GPC5: variants seen among roughly 807,000 people sequenced by gnomAD.
GPC5 encodes glypican-5.
GPC5 carries 47 observed loss-of-function variants against 53.9 expected under a neutral mutation model. That is an observed-to-expected ratio of 0.87 (90% confidence interval 0.69 to 1.11). The LOEUF (loss-of-function observed/expected upper bound fraction) is 1.11, where lower values mean the gene tolerates loss of function less well. GPC5 is among the 50% of genes most tolerant of loss of function. The pLI is 0.00. For synonymous variants in GPC5, 286 were observed against 263.3 expected (o/e 1.09, Z -0.84); for missense variants, 748 against 713.1 (o/e 1.05, Z -0.56).
chr13:91,655,407 A>G (rs894993220), intron 2 of GPC5, among the ~76,000 whole-genome samples: 2 of 152,108 alleles, frequency 1.3e-5, no homozygotes, highest in Non-Finnish European at 2.9e-5. Flanking sequence ...TAATTAGTTA[A>G]GTTGTATGTG....
chr13:91,714,546 G>A (rs2036294105), intron 3 of GPC5, among the ~76,000 whole-genome samples: 1 of 152,112 alleles, frequency 6.6e-6, no homozygotes, highest in Non-Finnish European at 1.5e-5. Context: ...CTATCTTTAT[G>A]TTTAGAAATA....
At chr13:92,532,127 A>T (rs1881585549) in intron 7 of GPC5, among the ~76,000 whole-genome samples, 1 of 152,168 alleles carries the variant, frequency 6.6e-6, no homozygotes, top group Admixed American at 6.5e-5. Flanking sequence ...GAAAAGAGGA[A>T]GTTTCTATTG....
chr13:92,458,824 G>A (rs1018256715), intron 7 of GPC5, among the ~76,000 whole-genome samples: 3 of 151,892 alleles, frequency 2.0e-5, no homozygotes, highest in African/African-American at 4.8e-5. Flanking sequence ...TCCTTATTAC[G>A]GTCATCATCA....
In GPC5 at chr13:92,410,524, T is replaced by C. The variant is rs183881338; in HGVS notation, c.1561+265535T>C. 7.2e-4 allele frequency among the ~76,000 whole-genome samples: 110 copies of C among 152,260 alleles called. 1 individual carries two copies. Among genetic ancestry groups the C allele is most frequent in the African/African-American group, 2.5e-3 (103 of 41,534 alleles). ...ATGTTGAAAGCATTGCACAGAACTT[T>C]CTTTATTTAACCCATTCATCTTAAT... On this transcript the variant is annotated intron_variant, in intron 7 of 7. Transcript: ENST00000377067.
intron 7 of GPC5, among the ~76,000 whole-genome samples, chr13:92,189,269 AC>A (rs754283942): frequency 9.9e-5 from 15 of 152,050 alleles, no homozygotes; most frequent in Non-Finnish European, 1.8e-4. Context: ...ATTTTACCAG[AC>A]CCAATCTTTT....
At chr13:91,775,760 A>G (rs1194724439) in intron 5 of GPC5, among the ~76,000 whole-genome samples, 1 of 152,168 alleles carries the variant, frequency 6.6e-6, no homozygotes, top group Non-Finnish European at 1.5e-5. Context: ...ACATACTTTA[A>G]TCAGTTGTTT....
chr13:91,761,361 G>T (rs1449678636), intron 5 of GPC5, among the ~76,000 whole-genome samples: 3 of 152,048 alleles, frequency 2.0e-5, no homozygotes, highest in Admixed American at 6.6e-5. Context: ...GACCAAAATT[G>T]TGGGGTTTTT....
chr13:92,621,236 A>G (rs958853872), intron 7 of GPC5, among the ~76,000 whole-genome samples: 3 of 152,124 alleles, frequency 2.0e-5, no homozygotes, highest in Non-Finnish European at 2.9e-5. Flanking sequence ...CAACTCTGCC[A>G]TTGGCCATGT....
At chr13:92,288,543 G>C (rs1439044252) in intron 7 of GPC5, among the ~76,000 whole-genome samples, 1 of 152,112 alleles carries the variant, frequency 6.6e-6, no homozygotes, top group African/African-American at 2.4e-5. Context: ...GAAGTGACTT[G>C]ACAGAAAATT....
At chr13:92,765,993 G>A (rs934123134) in intron 7 of GPC5, among the ~76,000 whole-genome samples, 17 of 151,990 alleles carry the variant, frequency 1.1e-4, no homozygotes, top group Admixed American at 9.2e-4. Flanking sequence ...GCTGAGTTTG[G>A]GCTCAAAGTT....
rs146974439 is a variant in GPC5 at position 91,447,034 on chromosome 13, C to T, written c.164-1727C>T. On this transcript the variant is annotated intron_variant, in intron 1 of 7. Coordinates refer to ENST00000377067, the MANE Select transcript of GPC5 (RefSeq NM_004466.6). ...GGAAGAGTACAAAGGCCAATGTTTC[C>T]GGAGATGAGACTGGAGAGGGAGGGA... Among the ~76,000 whole-genome samples the T allele has an allele frequency of 3.3e-3, 501 of 152,142 alleles. 6 individuals are homozygous for T. The highest frequency in any genetic ancestry group is 0.012 in the African/African-American group (484 of 41,518).
At chr13:91,789,556 TC>T (rs1233518020) in intron 5 of GPC5, among the ~76,000 whole-genome samples, 12 of 152,260 alleles carry the variant, frequency 7.9e-5, no homozygotes, top group African/African-American at 2.9e-4. Flanking sequence ...TTTTTCTTTA[TC>T]CCCCTGCTAA....
rs191167795 is a variant in GPC5, at chr13:92,849,139, T to C, written c.1562-17143T>C. On this transcript the variant is annotated intron_variant, in intron 7 of 7. Transcript: ENST00000377067. ...TACACACCTCCAGTTAAGAACACCA[T>C]AGGGGCAAGCAAAGAACCATCATCA... is the stretch of plus-strand genomic sequence containing the variant. 5.5e-5 allele frequency among the ~76,000 whole-genome samples: 8 copies of C among 146,414 alleles called. No individual in the cohort carries two copies. In the East Asian group the frequency reaches 1.2e-3, roughly 21 times the overall value.
At chr13:91,418,777 C>A (rs1490952792) in intron 1 of GPC5, among the ~76,000 whole-genome samples, 1 of 152,042 alleles carries the variant, frequency 6.6e-6, no homozygotes, top group African/African-American at 2.4e-5. Flanking sequence ...TCCTTTAATA[C>A]TTCTTTTCCA....
At chr13:92,775,769 T>G (rs1352310946) in intron 7 of GPC5, among the ~76,000 whole-genome samples, 1 of 152,198 alleles carries the variant, frequency 6.6e-6, no homozygotes, top group Non-Finnish European at 1.5e-5. Context: ...AAGTCCAAAT[T>G]GAATCATATC....
intron 7 of GPC5, among the ~76,000 whole-genome samples, chr13:92,696,457 G>C (rs954952202): frequency 3.3e-5 from 5 of 152,182 alleles, no homozygotes; most frequent in African/African-American, 1.2e-4. Flanking sequence ...GTGATGATTA[G>C]CTTTTTTAAA....
chr13:91,959,057 AACACAC>A lies in GPC5; in HGVS notation c.1401+51040_1401+51045del, dbSNP rs147785443. 3.3e-3 allele frequency among the ~76,000 whole-genome samples: 421 copies of A among 127,704 alleles called. 7 individuals are homozygous for A. Among genetic ancestry groups the A allele is most frequent in the African/African-American group, 0.011 (357 of 32,902 alleles). The allele number at this position is 127,704 out of a possible 152,430, so 83.8% of individuals were successfully genotyped here. The stretch of plus-strand genomic sequence containing the variant: ...GAGCAGAACCAAACAGAATGGAGAC[AACACAC>A]ACACACACACACACACACACACACA... On this transcript the variant is annotated intron_variant, in intron 6 of 7. Transcript: ENST00000377067.
chr13:91,614,593 A>G (rs1326992544), intron 2 of GPC5, among the ~76,000 whole-genome samples: 2 of 152,036 alleles, frequency 1.3e-5, no homozygotes, highest in Non-Finnish European at 2.9e-5. Context: ...TGGCCTCCCA[A>G]GTTCTGGGAT....
chr13:91,502,015 A>C (rs1323568274), intron 2 of GPC5, among the ~76,000 whole-genome samples: 2 of 152,040 alleles, frequency 1.3e-5, no homozygotes, highest in Non-Finnish European at 2.9e-5. Context: ...AGCATTTTTT[A>C]ATGTGTCTTT....
Sources: gnomAD v4.1 joint callset for allele counts (sites outside exome capture counted in the v4.1 genomes callset) on GRCh38, gnomAD v4.1.1 for gene constraint, MANE v1.5 for transcripts, NCBI Gene and HGNC (gene_info 2026-07-23, HGNC 2026-07-21) for gene names.